Variants in CDH23 observed in about 807,000 individuals in gnomAD.
CDH23 encodes cadherin-23.
Under a neutral mutation model 317.1 loss-of-function variants are expected in CDH23, and 189 were observed. That is an observed-to-expected ratio of 0.60 (90% CI 0.53 to 0.67). The LOEUF is 0.67. CDH23 is among the 30% of genes least tolerant of loss of function. The probability of loss-of-function intolerance (pLI) is 0.00; values close to 1 mark genes in which losing one functional copy is unlikely to be tolerated. For synonymous variants in CDH23, 1,839 were observed against 1,876.8 expected (o/e 0.98, Z 0.52); for missense variants, 4,401 against 4,592.4 (o/e 0.96, Z 1.20).
intron 56 of CDH23, 31 bp downstream of exon 56, chr10:71,806,028 G>GGGGGGGGGGGGGGT: frequency 8.7e-7 from 1 of 1,155,126 alleles, no homozygotes; most frequent in Non-Finnish European, 1.3e-6. Flanking sequence ...GAGGGGCGGG[G>GGGGGGGGGGGGGGT]TCTGGGGCGG....
At chr10:71,755,442 G>C (rs199963810) in intron 38 of CDH23, 2 of 1,612,618 alleles carry the variant, frequency 1.2e-6, no homozygotes, top group Admixed American at 3.3e-5. Context: ...GCAGGCACCC[G>C]TAGCCAGGGC....
chr10:71,739,875 G>A (rs780778269), intron 36 of CDH23, 103 bp downstream of exon 36: 5 of 1,340,042 alleles, frequency 3.7e-6, no homozygotes, highest in Non-Finnish European at 5.0e-6. Context: ...ACACTCTGGT[G>A]GTCAGTGCCC....
rs769588367 is a variant in CDH23 at position 71,812,609 on chromosome 10, T to A, written c.9510T>A (p.His3170Gln). The A allele has an allele frequency of 8.1e-6, 13 of 1,613,808 alleles. No individual in the cohort carries two copies. Among genetic ancestry groups the A allele is most frequent in the Non-Finnish European group, 1.1e-5 (13 of 1,179,880 alleles). The part of the protein sequence containing the change: ...ADLWNSPTRT[H>Q]GTFGREPAAV... ...TGTGGAACAGCCCCACGCGCACCCA[T>A]GTGAGCCAGAGGCGGTCAGGCATCA... Residue 3170 changes from histidine (H) to glutamine (Q), a missense_variant and splice_region_variant, in exon 67 of 70, where the codon CAT becomes CAA. By Grantham distance (24) the His-to-Gln change is conservative. Coordinates refer to ENST00000224721, the MANE Select transcript of CDH23 (RefSeq NM_022124.6).
intron 17 of CDH23, 42 bp downstream of exon 17, chr10:71,679,534 C>T: frequency 1.4e-6 from 2 of 1,446,738 alleles, no homozygotes; most frequent in Non-Finnish European, 1.9e-6. Flanking sequence ...AGGAGGAGGG[C>T]TGGGGGGCTC....
chr10:71,705,472 G>C (rs1417957105), intron 25 of CDH23, among the ~76,000 whole-genome samples: 1 of 152,212 alleles, frequency 6.6e-6, no homozygotes, highest in Non-Finnish European at 1.5e-5. Context: ...CAGGCAGGGA[G>C]GGTGCAGAGC....
intron 3 of CDH23, among the ~76,000 whole-genome samples, chr10:71,503,443 C>A (rs1246972448): frequency 1.3e-5 from 2 of 152,226 alleles, no homozygotes; most frequent in Admixed American, 6.5e-5. Context: ...GGCTCAGAGA[C>A]CTTCATGACT....
intron 38 of CDH23, among the ~76,000 whole-genome samples, chr10:71,767,522 T>G (rs951283300): frequency 7.9e-5 from 12 of 152,232 alleles, no homozygotes; most frequent in Non-Finnish European, 1.3e-4. Flanking sequence ...GGGACCTGGT[T>G]CCAGCTCCCC....
intron 1 of CDH23, among the ~76,000 whole-genome samples, chr10:71,426,346 C>A (rs1849078117): frequency 6.6e-6 from 1 of 152,244 alleles, no homozygotes; most frequent in South Asian, 2.1e-4. Flanking sequence ...GAATGGGGGA[C>A]AGGCCCAGGA....
chr10:71,755,311 C>T (rs145482065), intron 38 of CDH23: 32 of 1,507,704 alleles, frequency 2.1e-5, no homozygotes, highest in Non-Finnish European at 2.9e-5. Context: ...GGGGCTGGAG[C>T]AGGTCACTCG....
intron 11 of CDH23, among the ~76,000 whole-genome samples, chr10:71,620,317 C>T (rs532502317): frequency 9.0e-4 from 137 of 152,230 alleles, no homozygotes; most frequent in Non-Finnish European, 1.2e-3. Context: ...ATGTACAGGG[C>T]GTGGCACAGC....
At position 71,807,714 on chromosome 10, in the gene CDH23, T is replaced by TAGAGGACATCAACGACCAGCC; in HGVS notation, c.8509_8529dup (p.Glu2837_Pro2843dup). The TAGAGGACATCAACGACCAGCC allele has an allele frequency of 6.2e-7, 1 of 1,611,910 alleles. No homozygotes were observed. The highest frequency in any genetic ancestry group is 8.5e-7 in the Non-Finnish European group (1 of 1,178,996). On this transcript the variant is annotated inframe_insertion, in exon 59 of 70. Transcript: ENST00000224721. Reference sequence around the variant, plus strand: ...ACACTGCAGGAGGTGCGCGTTGTGCTAGAGGACATCAACGACCAGCCACCA... The same window carrying TAGAGGACATCAACGACCAGCC: ...ACACTGCAGGAGGTGCGCGTTGTGCTAGAGGACATCAACGACCAGCCAGAGGACATCAACGACCAGCCACCA...
intron 6 of CDH23, among the ~76,000 whole-genome samples, chr10:71,541,065 C>G (rs537506357): frequency 1.6e-4 from 24 of 152,148 alleles, no homozygotes; most frequent in Admixed American, 1.5e-3. Flanking sequence ...CACATGCTGC[C>G]AGAGCCCTGC....
chr10:71,521,419 C>T (rs999147828), intron 6 of CDH23, among the ~76,000 whole-genome samples: 4 of 152,216 alleles, frequency 2.6e-5, no homozygotes, highest in African/African-American at 9.6e-5. Context: ...ATTGCTGAGA[C>T]GAACCCTCCA....
intron 17 of CDH23, among the ~76,000 whole-genome samples, chr10:71,680,057 C>T (rs970171337): frequency 2.6e-5 from 4 of 152,196 alleles, no homozygotes; most frequent in African/African-American, 9.7e-5. Context: ...GAGCTTGGCA[C>T]CAAGTCCCCG....
chr10:71,711,059 C>T (rs1384367833), intron 27 of CDH23, among the ~76,000 whole-genome samples: 1 of 152,194 alleles, frequency 6.6e-6, no homozygotes, highest in African/African-American at 2.4e-5. Context: ...CTCACTCTTT[C>T]CAACCATCAA....
At chr10:71,493,164 G>A (rs1852761498) in intron 3 of CDH23, among the ~76,000 whole-genome samples, 1 of 152,142 alleles carries the variant, frequency 6.6e-6, no homozygotes, top group Admixed American at 6.5e-5. Context: ...GGCCAGGAAA[G>A]TATGTGCATT....
intron 3 of CDH23, among the ~76,000 whole-genome samples, chr10:71,453,235 C>T (rs1850533569): frequency 6.6e-6 from 1 of 152,368 alleles, no homozygotes; most frequent in South Asian, 2.1e-4. Context: ...ATGGATTGGT[C>T]CCAGGCAGCG....
chr10:71,808,979 C>G (rs886107709), intron 60 of CDH23, among the ~76,000 whole-genome samples: 2 of 152,138 alleles, frequency 1.3e-5, no homozygotes, highest in African/African-American at 2.4e-5. Flanking sequence ...CAGACACCAT[C>G]CCTTTGTCCT....
At chr10:71,595,896 C>T (rs139295414) in intron 9 of CDH23, among the ~76,000 whole-genome samples, 4 of 152,204 alleles carry the variant, frequency 2.6e-5, no homozygotes, top group African/African-American at 9.6e-5. Flanking sequence ...GAGGTGACCA[C>T]GTGACTCCAA....
Sources: gnomAD v4.1 joint callset for allele counts (sites outside exome capture counted in the v4.1 genomes callset) on GRCh38, gnomAD v4.1.1 for gene constraint, MANE v1.5 for transcripts, NCBI Gene and HGNC (gene_info 2026-07-23, HGNC 2026-07-21) for gene names.